ROBO2: variants seen among roughly 807,000 people sequenced by gnomAD.
ROBO2 encodes roundabout guidance receptor 2, also known as roundabout homolog 2.
A neutral mutation model predicts 160.8 loss-of-function variants in ROBO2; 53 were observed. The ratio of observed to expected loss-of-function variants is 0.33; its 90% confidence interval spans 0.26 to 0.41. The LOEUF (loss-of-function observed/expected upper bound fraction) is 0.41. ROBO2 is among the 10% of genes least tolerant of loss of function. The pLI, the probability that ROBO2 is intolerant of heterozygous loss-of-function variation, is 1.00. For synonymous variants in ROBO2, 664 were observed against 611.7 expected (o/e 1.09, Z -1.26); for missense variants, 1,577 against 1,722.4 (o/e 0.92, Z 1.49).
chr3:75,922,644 C>A (rs1489121147), intron 1 of ROBO2, among the ~76,000 whole-genome samples: 1 of 151,922 alleles, frequency 6.6e-6, no homozygotes, highest in African/African-American at 2.4e-5. Context: ...AATGCAAAAA[C>A]AATAGAGAGC....
intron 2 of ROBO2, among the ~76,000 whole-genome samples, chr3:76,408,307 T>G (rs996530277): frequency 2.0e-5 from 3 of 152,066 alleles, no homozygotes; most frequent in Non-Finnish European, 4.4e-5. Flanking sequence ...CAGTTATGGT[T>G]TTTTGCTATT....
chr3:76,928,920 C>T (rs770288898), intron 2 of ROBO2, among the ~76,000 whole-genome samples: 34 of 152,098 alleles, frequency 2.2e-4, no homozygotes, highest in Non-Finnish European at 4.4e-4. Flanking sequence ...CTCAACTGCC[C>T]GTGGGTTGCT....
intron 2 of ROBO2, among the ~76,000 whole-genome samples, chr3:77,338,410 T>C (rs1268120387): frequency 6.6e-6 from 1 of 152,022 alleles, no homozygotes; most frequent in East Asian, 1.9e-4. Context: ...TACCTGAGAG[T>C]GGTCAAAAAA....
rs1307194823 is a variant in ROBO2, at chr3:76,256,342, TCTCTCTCTC to T, written c.109+318741_109+318749del. On this transcript the variant is annotated intron_variant, in intron 2 of 26. Transcript: ENST00000487694. ...CTCTCTCTCTCTCTCTCTCTCTCTCTCTCTCTCTCTCACATACACACACACACACACACA... is the reference window on the plus strand; with the variant it reads ...CTCTCTCTCTCTCTCTCTCTCTCTCTTCACATACACACACACACACACACA... Among the ~76,000 whole-genome samples, 497 of 79,326 alleles carry T rather than the reference TCTCTCTCTC, an allele frequency of 6.3e-3. 1 individual carries two copies. The highest frequency in any genetic ancestry group is 0.014 in the African/African-American group (319 of 22,822). The allele number at this position is 79,326 out of a possible 152,430, so 52.0% of individuals were successfully genotyped here.
chr3:77,082,878 G>A (rs1023914868), intron 1 of ROBO2, among the ~76,000 whole-genome samples: 1 of 151,854 alleles, frequency 6.6e-6, no homozygotes, highest in African/African-American at 2.4e-5. Flanking sequence ...TTTAATAGGA[G>A]ATTCTTTAAA....
intron 2 of ROBO2, among the ~76,000 whole-genome samples, chr3:76,669,253 A>C (rs980355480): frequency 6.6e-6 from 1 of 152,172 alleles, no homozygotes; most frequent in Non-Finnish European, 1.5e-5. Context: ...CAGCTGTTTC[A>C]GGGAAAATAA....
intron 2 of ROBO2, among the ~76,000 whole-genome samples, chr3:76,107,925 G>A (rs1231085170): frequency 6.6e-6 from 1 of 151,956 alleles, no homozygotes; most frequent in Admixed American, 6.6e-5. Context: ...ATGAGTAATT[G>A]TTGCCATTTT....
intron 15 of ROBO2, among the ~76,000 whole-genome samples, chr3:77,577,878 G>C (rs1453656575): frequency 1.5e-4 from 23 of 152,050 alleles, no homozygotes; most frequent in Admixed American, 1.5e-3. Context: ...ACAACCTCAA[G>C]GATTTAAAGA....
intron 2 of ROBO2, chr3:76,435,094 G>A: frequency 9.8e-7 from 1 of 1,018,884 alleles, no homozygotes; most frequent in African/African-American, 1.6e-5. Flanking sequence ...CAAATCAAGG[G>A]CAAAATGAAC....
chr3:77,233,195 A>C (rs1386325373), intron 2 of ROBO2, among the ~76,000 whole-genome samples: 4 of 152,208 alleles, frequency 2.6e-5, no homozygotes, highest in Non-Finnish European at 5.9e-5. Context: ...ATCAACTAAT[A>C]TGTTTGAAAA....
At chr3:75,928,287 A>G (rs536924109) in intron 1 of ROBO2, among the ~76,000 whole-genome samples, 2 of 152,262 alleles carry the variant, frequency 1.3e-5, no homozygotes, top group African/African-American at 2.4e-5. Flanking sequence ...CCCGGCCTCT[A>G]TTTAAGTTAG....
intron 2 of ROBO2, among the ~76,000 whole-genome samples, chr3:76,291,402 T>C (rs960099191): frequency 2.0e-5 from 3 of 151,950 alleles, no homozygotes; most frequent in Non-Finnish European, 4.4e-5. Flanking sequence ...CCCCTTTTTA[T>C]TTGGATCTTC....
intron 2 of ROBO2, among the ~76,000 whole-genome samples, chr3:77,206,129 G>A (rs1027959414): frequency 3.3e-5 from 5 of 151,452 alleles, no homozygotes; most frequent in African/African-American, 1.2e-4. Flanking sequence ...GTCTTAACAT[G>A]GTGCTCTTCC....
chr3:77,044,516 C>T (rs754599314), intron 1 of ROBO2, among the ~76,000 whole-genome samples: 26 of 152,008 alleles, frequency 1.7e-4, no homozygotes, highest in Non-Finnish European at 3.1e-4. Context: ...TCTCATTCAT[C>T]GTCTCTTTCC....
At chr3:76,544,871 A>G (rs1318745184) in intron 2 of ROBO2, among the ~76,000 whole-genome samples, 1 of 151,894 alleles carries the variant, frequency 6.6e-6, no homozygotes, top group Non-Finnish European at 1.5e-5. Flanking sequence ...TAATTAGTTT[A>G]AAAGCCTTTA....
rs1332728828 is a variant in ROBO2 at position 76,868,911 on chromosome 3, T to G, written c.110-229103T>G. On this transcript the variant is annotated intron_variant, in intron 2 of 26. Transcript: ENST00000487694. The stretch of plus-strand genomic sequence containing the variant: ...GTAATATTATGATTACATGAAAATT[T>G]TGAACTGCAACCAGAATAACTTTTT... 3.3e-5 allele frequency among the ~76,000 whole-genome samples: 5 copies of G among 152,182 alleles called. No homozygotes were observed. In the East Asian group the frequency reaches 9.6e-4, roughly 29 times the overall value.
At chr3:76,666,114 T>A (rs867099187) in intron 2 of ROBO2, among the ~76,000 whole-genome samples, 5 of 150,088 alleles carry the variant, frequency 3.3e-5, no homozygotes, top group South Asian at 2.1e-4. Context: ...CCTATAGCTG[T>A]AAATATAGCT....
intron 2 of ROBO2, among the ~76,000 whole-genome samples, chr3:75,948,037 G>A (rs1005008244): frequency 2.0e-5 from 3 of 152,042 alleles, no homozygotes; most frequent in Admixed American, 6.6e-5. Context: ...AAGCCAACAC[G>A]GATGTGAAGT....
chr3:76,279,727 A>C (rs1330477649), intron 2 of ROBO2, among the ~76,000 whole-genome samples: 2 of 118,496 alleles, frequency 1.7e-5, no homozygotes, highest in Admixed American at 1.6e-4. Context: ...TTATCATTGC[A>C]TCAGGATCCA....
Sources: allele counts gnomAD v4.1 joint callset (sites outside exome capture counted in the v4.1 genomes callset), GRCh38; gene constraint gnomAD v4.1.1; transcripts MANE v1.5; gene names NCBI Gene and HGNC (gene_info 2026-07-23, HGNC 2026-07-21).